The following DAB1 variants were observed in gnomAD, a reference collection of about 807,000 sequenced individuals.
DAB1 encodes the protein disabled homolog 1.
DAB1 carries 15 observed loss-of-function variants against 64.6 expected under a neutral mutation model. That is an observed-to-expected ratio of 0.23 (90% confidence interval 0.16 to 0.36). The LOEUF (loss-of-function observed/expected upper bound fraction) is 0.36. Ranked by LOEUF, DAB1 falls within the 10% of genes least tolerant of loss-of-function variation. DAB1 has a pLI of 1.00. For missense variants in DAB1, 596 were observed against 706.7 expected, an observed-to-expected ratio of 0.84 and a Z score of 1.78; for synonymous variants, 235 against 251.9, an observed-to-expected ratio of 0.93 and a Z score of 0.64.
intron 6 of DAB1, among the ~76,000 whole-genome samples, chr1:57,654,711 A>ACT (rs112849970): frequency 0.31 from 46,523 of 151,808 alleles, 7,422 homozygotes; most frequent in African/African-American, 0.38. Context: ...TAAATAACTA[A>ACT]CTGTTTCATT....
At chr1:57,315,723 C>T (rs1471721400) in intron 1 of DAB1, among the ~76,000 whole-genome samples, 2 of 152,100 alleles carry the variant, frequency 1.3e-5, no homozygotes, top group South Asian at 2.1e-4. Flanking sequence ...AGGATGGTCT[C>T]GATCTCCTGA....
intron 3 of DAB1, among the ~76,000 whole-genome samples, chr1:58,453,025 C>T (rs1254166879): frequency 6.6e-6 from 1 of 152,162 alleles, no homozygotes; most frequent in South Asian, 2.1e-4. Context: ...CGTGGATAAA[C>T]ACATTGCAGT....
chr1:57,402,904 A>G (rs576251649), intron 1 of DAB1, among the ~76,000 whole-genome samples: 1 of 152,296 alleles, frequency 6.6e-6, no homozygotes, highest in East Asian at 1.9e-4. Flanking sequence ...GATTGAATTC[A>G]CAGGACAGAA....
At chr1:57,116,367 C>A (rs1656110886) in intron 4 of DAB1, among the ~76,000 whole-genome samples, 2 of 143,296 alleles carry the variant, frequency 1.4e-5, no homozygotes, top group South Asian at 4.4e-4. Flanking sequence ...CAGGCTGAGG[C>A]AGGAGAATCA....
intron 4 of DAB1, among the ~76,000 whole-genome samples, chr1:58,308,129 T>C (rs1662346981): frequency 6.6e-6 from 1 of 152,138 alleles, no homozygotes; most frequent in South Asian, 2.1e-4. Flanking sequence ...AGGAAACACA[T>C]TGCTCCAGGG....
At chr1:58,256,632 A>G (rs75643418) in intron 4 of DAB1, among the ~76,000 whole-genome samples, 13,250 of 152,172 alleles carry the variant, frequency 0.087, 599 homozygotes, top group African/African-American at 0.12. Flanking sequence ...GGTTCTCACA[A>G]TGTTAGTTTA....
In DAB1 at chr1:57,130,271, G is replaced by C. The variant is rs77132138; in HGVS notation, c.306+6272C>G. 2.6e-3 allele frequency among the ~76,000 whole-genome samples: 400 copies of C among 152,172 alleles called. 1 individual carries two copies. The highest frequency in any genetic ancestry group is 9.3e-3 in the African/African-American group (388 of 41,512). On this transcript the variant is annotated intron_variant, in intron 4 of 14. Transcript: ENST00000371236. ...ACTCTGCACTATTCTAAGTCTTAGA[G>C]GATTAAATTAATCTTTCACCAACCC... is the stretch of plus-strand genomic sequence containing the variant.
rs539332129 is a variant in DAB1 at position 58,265,001 on chromosome 1, C to T, written n.309+78351G>A. On this transcript the variant is annotated intron_variant and non_coding_transcript_variant, in intron 4 of 20. Coordinates refer to the DAB1 transcript ENST00000485760. ...AGCAGTATATTACCATGTGGCATAA[C>T]TCATAACAATTTCAAATGAATATCA... Among the ~76,000 whole-genome samples the T allele has an allele frequency of 5.3e-5, 8 of 152,194 alleles. No homozygotes were observed. The East Asian group carries it at 1.5e-3, about 29-fold the overall frequency.
In DAB1 at chr1:57,010,755, T is replaced by C; in HGVS notation, c.1608A>G (p.Pro536=). 6.3e-7 allele frequency: 1 copy of C among 1,597,766 alleles called. No individual in the cohort carries two copies. The highest frequency in any genetic ancestry group is 8.5e-7 in the Non-Finnish European group (1 of 1,169,760). The change falls in exon 14 of 15, where the codon CCA becomes CCG. Residue 536 remains proline, a synonymous_variant. Transcript: ENST00000371236. ...TGGGCTCCCCACTGGGCTCACCAAATGGATCACTGTTGGATGAGGCCTGTG... is the reference window on the plus strand; with the variant it reads ...TGGGCTCCCCACTGGGCTCACCAAACGGATCACTGTTGGATGAGGCCTGTG... The part of the protein sequence containing the change: ...DGSQASSNSD[P]FGEPSGEPSG...
At chr1:58,432,267 A>G (rs1644886911) in intron 3 of DAB1, among the ~76,000 whole-genome samples, 1 of 152,098 alleles carries the variant, frequency 6.6e-6, no homozygotes, top group Non-Finnish European at 1.5e-5. Context: ...TAAAGTTCCT[A>G]TTATTTTTCT....
chr1:58,228,467 G>T (rs1659606151), intron 4 of DAB1, among the ~76,000 whole-genome samples: 1 of 152,068 alleles, frequency 6.6e-6, no homozygotes, highest in African/African-American at 2.4e-5. Context: ...GAACTTTGGA[G>T]ACCAGCCTTT....
At chr1:58,189,047 T>C (rs1214947059) in intron 4 of DAB1, among the ~76,000 whole-genome samples, 1 of 152,204 alleles carries the variant, frequency 6.6e-6, no homozygotes, top group Non-Finnish European at 1.5e-5. Flanking sequence ...TAGAGCACTA[T>C]TTTATTTGCC....
intron 7 of DAB1, among the ~76,000 whole-genome samples, chr1:57,517,353 T>C (rs926696405): frequency 1.5e-5 from 2 of 133,206 alleles, no homozygotes; most frequent in African/African-American, 4.1e-5. Context: ...ATTATCCTTT[T>C]CTTTTTCTTC....
intron 1 of DAB1, among the ~76,000 whole-genome samples, chr1:58,530,960 A>T (rs17117650): frequency 0.015 from 2,242 of 152,262 alleles, 47 homozygotes; most frequent in East Asian, 0.12. Flanking sequence ...ACTTACTATT[A>T]GTCAGAGGAT....
chr1:57,573,180 T>C (rs1207369106), intron 7 of DAB1, among the ~76,000 whole-genome samples: 2 of 152,170 alleles, frequency 1.3e-5, no homozygotes, highest in South Asian at 2.1e-4. Flanking sequence ...CTCCAACTCC[T>C]GGGCTCAAGG....
intron 7 of DAB1, among the ~76,000 whole-genome samples, chr1:57,557,431 T>A (rs1052839178): frequency 1.3e-5 from 2 of 151,970 alleles, no homozygotes; most frequent in African/African-American, 4.8e-5. Flanking sequence ...CACACACACA[T>A]ATATATACAC....
In DAB1 at chr1:58,228,938, A is replaced by G. The variant is rs144352243; in HGVS notation, n.310-78350T>C. 4.7e-4 allele frequency: 224 copies of G among 475,980 alleles called. 1 individual carries two copies. Among genetic ancestry groups the G allele is most frequent in the African/African-American group, 4.3e-3 (215 of 50,282 alleles). 29.5% of individuals were successfully genotyped at this position (475,980 alleles called of 1,614,324 possible). ...AGAAAATGCAATCAAATATGCTGCT[A>G]GATTGACTGAGGATGCTGTCCTGTC... On this transcript the variant is annotated intron_variant and non_coding_transcript_variant, in intron 4 of 20. Transcript: ENST00000485760.
chr1:57,600,266 G>T (rs1458472116), intron 7 of DAB1, among the ~76,000 whole-genome samples: 2 of 152,114 alleles, frequency 1.3e-5, no homozygotes, highest in East Asian at 3.9e-4. Flanking sequence ...CCAAGGCTTG[G>T]TACAGAGTAG....
At chr1:58,449,416 A>C in intron 3 of DAB1, among the ~76,000 whole-genome samples, 1 of 152,180 alleles carries the variant, frequency 6.6e-6, no homozygotes, top group East Asian at 1.9e-4. Flanking sequence ...CTTGAAACAA[A>C]GCCTACACTA....
Sources: allele counts gnomAD v4.1 joint callset (sites outside exome capture counted in the v4.1 genomes callset), GRCh38; gene constraint gnomAD v4.1.1; transcripts MANE v1.5; gene names NCBI Gene and HGNC (gene_info 2026-07-23, HGNC 2026-07-21).